The following ABCC8 variants were observed in gnomAD, a reference collection of about 807,000 sequenced individuals.
ABCC8 encodes the protein ATP-binding cassette sub-family C member 8.
ABCC8 carries 137 observed loss-of-function variants against 188.0 expected under a neutral mutation model. That is an observed-to-expected ratio of 0.73 (90% CI 0.63 to 0.84). The LOEUF (loss-of-function observed/expected upper bound fraction) is 0.84. ABCC8 is among the 40% of genes least tolerant of loss of function. The pLI is 0.00. For missense variants in ABCC8, 1,750 were observed against 2,072.7 expected (o/e 0.84, Z 3.02); for synonymous variants, 797 against 846.5 (o/e 0.94, Z 1.01).
At chr11:17,472,803 C>T (rs1399314229) in intron 2 of ABCC8, among the ~76,000 whole-genome samples, 1 of 152,172 alleles carries the variant, frequency 6.6e-6, no homozygotes, top group Non-Finnish European at 1.5e-5. Flanking sequence ...TGGGAATACA[C>T]AGTCTACCCA....
chr11:17,446,946 A>C (rs7947326), intron 8 of ABCC8, among the ~76,000 whole-genome samples: 59,482 of 152,040 alleles, frequency 0.39, 12,319 homozygotes, highest in Middle Eastern at 0.54. Flanking sequence ...ACTCATACCA[A>C]ACATGTGCAA....
At chr11:17,426,957 G>C in intron 16 of ABCC8, 92 bp downstream of exon 16, 1 of 1,429,668 alleles carries the variant, frequency 7.0e-7, no homozygotes, top group Non-Finnish European at 9.6e-7. Context: ...ACACAGAGTG[G>C]GCCCTCCAAT....
At chr11:17,394,577 C>T (rs897064390) in intron 36 of ABCC8, 178 bp from the exon 37 acceptor site, 11 of 751,338 alleles carry the variant, frequency 1.5e-5, no homozygotes, top group Non-Finnish European at 1.8e-5. Context: ...ATGTGGAGGC[C>T]GTCTGCAAGG....
chr11:17,403,609 C>T (rs1466685968), intron 28 of ABCC8, among the ~76,000 whole-genome samples: 2 of 152,164 alleles, frequency 1.3e-5, no homozygotes, highest in African/African-American at 4.8e-5. Context: ...TAATAAGTAT[C>T]TCAACTCTAG....
At chr11:17,435,492 C>G (rs75156366) in intron 10 of ABCC8, among the ~76,000 whole-genome samples, 2,702 of 152,296 alleles carry the variant, frequency 0.018, 95 homozygotes, top group African/African-American at 0.063. Context: ...AAGGAGAAAA[C>G]TAGACCCTTT....
Position 17,396,762 on chromosome 11 carries a change from C to T in ABCC8, c.4119+154G>A. On this transcript the variant is annotated intron_variant, in intron 33 of 38. Coordinates refer to ENST00000389817, the MANE Select transcript of ABCC8 (RefSeq NM_000352.6). ...ATAGAAGGAGAGGAAAGATGGGCCC[C>T]CACAGGCCCAGGGCAGGAGACTGCG... is the stretch of plus-strand genomic sequence containing the variant. 1 of 957,768 alleles carries T rather than the reference C, an allele frequency of 1.0e-6. No homozygotes were observed. Among genetic ancestry groups the T allele is most frequent in the East Asian group, 2.6e-5 (1 of 37,912 alleles). The allele number at this position is 957,768 out of a possible 1,614,324, so 59.3% of individuals were successfully genotyped here. A position where few individuals can be genotyped will look rare whatever the true frequency, so the allele number is the denominator to read the frequency against.
chr11:17,427,244 C>G lies in ABCC8; in HGVS notation c.2117-90G>C. ...AAGACAGACAGACAGATGCACCCAACCCTGGGGCCCCTGTTTTCTTTCTTC... is the reference window on the plus strand; with the variant it reads ...AAGACAGACAGACAGATGCACCCAAGCCTGGGGCCCCTGTTTTCTTTCTTC... On this transcript the variant is annotated intron_variant, in intron 15 of 38. Transcript: ENST00000389817. This position sits in a 1 kb window ranked among gnomAD's most constrained non-coding sequence, Gnocchi z 5.0. 2 of 1,396,052 alleles carry G rather than the reference C, an allele frequency of 1.4e-6. No individual in the cohort carries two copies. Among genetic ancestry groups the G allele is most frequent in the Non-Finnish European group, 1.9e-6 (2 of 1,075,830 alleles). 86.5% of individuals were successfully genotyped at this position (1,396,052 alleles called of 1,614,324 possible).
intron 8 of ABCC8, 79 bp from the exon 9 acceptor site, chr11:17,443,391 C>A (rs1956402158): frequency 6.2e-7 from 1 of 1,608,772 alleles, no homozygotes; most frequent in Non-Finnish European, 8.5e-7. Flanking sequence ...TCCCTGTTTC[C>A]CCAGTCCCCT....
At chr11:17,403,312 A>T (rs1954342202) in intron 28 of ABCC8, among the ~76,000 whole-genome samples, 1 of 152,208 alleles carries the variant, frequency 6.6e-6, no homozygotes, top group Non-Finnish European at 1.5e-5. Flanking sequence ...CGACAAGCAC[A>T]TCAGTGCCAG....
chr11:17,426,053 T>C (rs1955568647), intron 16 of ABCC8, among the ~76,000 whole-genome samples: 1 of 152,244 alleles, frequency 6.6e-6, no homozygotes, highest in African/African-American at 2.4e-5. Context: ...CCATGGTGTA[T>C]ATGTGCCACA....
chr11:17,406,932 C>T lies in ABCC8; in HGVS notation c.3118G>A (p.Ala1040Thr), dbSNP rs765856087. The T allele has an allele frequency of 3.5e-5, 56 of 1,614,106 alleles. 1 individual carries two copies. Among genetic ancestry groups the T allele is most frequent in the Middle Eastern group, 1.7e-4 (1 of 6,058 alleles). ...CTGGCTGCAGGGGTCAGGGTCAGGGCGCTGTCGGTCCACTTGGCCAGCCAG... is the reference window on the plus strand; with the variant it reads ...CTGGCTGCAGGGGTCAGGGTCAGGGTGCTGTCGGTCCACTTGGCCAGCCAG... The part of the protein sequence containing the change: ...DYWLAKWTDS[A>T]LTLTPAARNC... Residue 1040 changes from alanine (A) to threonine (T), a missense_variant, in exon 25 of 39, where the codon GCC (alanine) becomes ACC (threonine). Ala to Thr is a moderately conservative substitution (Grantham distance 58). Coordinates refer to ENST00000389817, the MANE Select transcript of ABCC8 (RefSeq NM_000352.6).
chr11:17,459,823 A>G (rs1285830517), intron 6 of ABCC8, among the ~76,000 whole-genome samples: 1 of 152,244 alleles, frequency 6.6e-6, no homozygotes, highest in Non-Finnish European at 1.5e-5. Flanking sequence ...TTCTAGCTCC[A>G]ACAAATTTCA....
chr11:17,393,646 G>A (rs375521430), intron 38 of ABCC8, 51 bp downstream of exon 38: 5 of 1,612,480 alleles, frequency 3.1e-6, no homozygotes, highest in African/African-American at 1.3e-5. Context: ...GCCACAACAG[G>A]CCAGTCCTGT....
At position 17,393,039 on chromosome 11, in the gene ABCC8, G is replaced by A; in HGVS notation, c.4698C>T (p.Leu1566=). 2 of 1,614,188 alleles carry A rather than the reference G, an allele frequency of 1.2e-6. No homozygotes were observed. The highest frequency in any genetic ancestry group is 1.7e-6 in the Non-Finnish European group (2 of 1,180,046). ...AGGCGAAGACGCTGTCCTTCCGGCT[G>A]AGCAGCTTCTCTGGCTTATCGAACT... ...ILEFDKPEKL[L]SRKDSVFASF... is the part of the protein sequence containing the mutation. The change falls in exon 39 of 39, where the codon CTC becomes CTT. Residue 1566 remains leucine (L), a synonymous_variant. Coordinates refer to ENST00000389817, the MANE Select transcript of ABCC8 (RefSeq NM_000352.6).
intron 29 of ABCC8, among the ~76,000 whole-genome samples, chr11:17,402,062 G>A (rs868472304): frequency 3.9e-5 from 6 of 152,330 alleles, no homozygotes; most frequent in South Asian, 4.1e-4. Flanking sequence ...GCAGGGCAGC[G>A]GCTTATTTGA....
chr11:17,421,176 G>C (rs1955324184), intron 16 of ABCC8, among the ~76,000 whole-genome samples: 1 of 152,226 alleles, frequency 6.6e-6, no homozygotes, highest in Admixed American at 6.5e-5. Context: ...ACACAGAACA[G>C]TGCACAAAAT....
Position 17,463,450 on chromosome 11 carries a change from G to A in ABCC8, c.567C>T (p.Val189=). 1 of 1,605,094 alleles carries A rather than the reference G, an allele frequency of 6.2e-7. No homozygotes were observed. Among genetic ancestry groups the A allele is most frequent in the Admixed American group, 1.7e-5 (1 of 58,704 alleles). The part of the protein sequence containing the change: ...YGMLLLVEVN[V]IRVRRYIFFK... ...GTGGCCTGCTTACCCTCACCCTGAT[G>A]ACATTGACCTCCACGAGGAGCAGCA... Residue 189 remains valine (V), a synonymous_variant, in exon 4 of 39, where the codon GTC becomes GTT. Transcript: ENST00000389817.
rs774183901 is a variant in ABCC8 at position 17,398,447 on chromosome 11, G to C, written c.3651-6C>G. On this transcript the variant is annotated splice_polypyrimidine_tract_variant and splice_region_variant and intron_variant, in intron 29 of 38. Transcript: ENST00000389817. ...GCTGGAACCGGGCCTCATACCTGGA[G>C]GGAGGATGAGAAGCTCCTAAGGGAA... is the stretch of plus-strand genomic sequence containing the variant. 1 of 1,614,042 alleles carries C rather than the reference G, an allele frequency of 6.2e-7. No homozygotes were observed. The highest frequency in any genetic ancestry group is 1.1e-5 in the South Asian group (1 of 91,064).
At chr11:17,471,577 C>A (rs755003397) in intron 2 of ABCC8, among the ~76,000 whole-genome samples, 23 of 152,198 alleles carry the variant, frequency 1.5e-4, no homozygotes, top group Admixed American at 4.6e-4. Flanking sequence ...CCATGCAATT[C>A]CATACTCCTT....
Sources: gnomAD v4.1 joint callset for allele counts (sites outside exome capture counted in the v4.1 genomes callset) on GRCh38, gnomAD v4.1.1 for gene constraint, Gnocchi (gnomAD v3.1) non-coding constraint, MANE v1.5 for transcripts, NCBI Gene and HGNC (gene_info 2026-07-23, HGNC 2026-07-21) for gene names.